The following MUC4 variants were observed in gnomAD, a reference collection of about 807,000 sequenced individuals.
MUC4 encodes mucin 4, cell surface associated.
MUC4 carries 202 observed loss-of-function variants against 257.9 expected under a neutral mutation model. The observed-to-expected ratio is 0.78, with a 90% CI of 0.70 to 0.88. The LOEUF (loss-of-function observed/expected upper bound fraction) is 0.88. MUC4 is among the 40% of genes least tolerant of loss of function. MUC4 has a pLI of 0.00. For missense variants in MUC4, 5,976 were observed against 6,513.7 expected, an observed-to-expected ratio of 0.92 and a Z score of 2.84; for synonymous variants, 2,351 against 2,757.1, an observed-to-expected ratio of 0.85 and a Z score of 4.62.
In MUC4 at chr3:195,794,088, A is replaced by AAAAAATAAT. The variant is rs1553888473; in HGVS notation, c.83-2592_83-2591insATTATTTTT. On this transcript the variant is annotated intron_variant, in intron 1 of 24. Transcript: ENST00000463781. ...CGAGACCCTGTGTCTTAAAAAATAA[A>AAAAAATAAT]AATAATAATAATAATAATAAAAATA... Among the ~76,000 whole-genome samples the AAAAAATAAT allele has an allele frequency of 2.4e-3, 187 of 77,042 alleles. 1 individual carries two copies. The highest frequency in any genetic ancestry group is 0.011 in the African/African-American group (181 of 16,628). 50.5% of individuals were successfully genotyped at this position (77,042 alleles called of 152,430 possible). A position where few individuals can be genotyped will look rare whatever the true frequency, so the allele number is the denominator to read the frequency against.
rs1722930802 is a variant in MUC4, at chr3:195,771,730, G to A, written c.13164C>T (p.Gly4388=). 1.9e-6 allele frequency: 3 copies of A among 1,613,730 alleles called. No homozygotes were observed. Among genetic ancestry groups the A allele is most frequent in the African/African-American group, 1.3e-5 (1 of 74,892 alleles). ...GAGCCACCAGGGCCACAGGGTCCCG[G>A]CCTGTGAAGCCTGTTGGGAGTGGGT... ...YPNPLPTGFT[G]RDPVALVAPF... is the part of the protein sequence containing the mutation. Residue 4388 remains glycine, a synonymous_variant, in exon 5 of 25, where the codon GGC becomes GGT. Transcript: ENST00000463781.
At chr3:195,803,354 C>T (rs1458708766) in intron 1 of MUC4, among the ~76,000 whole-genome samples, 1 of 152,352 alleles carries the variant, frequency 6.6e-6, no homozygotes, top group African/African-American at 2.4e-5. Flanking sequence ...AGAAATCTGG[C>T]TGCTTCCCCT....
Position 195,782,149 on chromosome 3 carries a change from G to C in MUC4, c.9431C>G (p.Ser3144Ter). The C allele has an allele frequency of 7.4e-7, 1 of 1,358,724 alleles. No individual in the cohort carries two copies. The highest frequency in any genetic ancestry group is 2.3e-5 in the Admixed American group (1 of 44,032). The allele number at this position is 1,358,724 out of a possible 1,614,324, so 84.2% of individuals were successfully genotyped here. ...AGGGGTGGTGTCACCTGTGGATGCT[G>C]AGGAAGTGCTGGTGACAGGAAGAGC... is the stretch of plus-strand genomic sequence containing the variant. ...ATALPVTSTSSASTGDTTPLP... is the reference protein window; with the variant it reads ...ATALPVTSTS Residue 3144 changes from serine (S) to a stop codon, truncating the protein, a stop_gained, in exon 2 of 25, where the codon TCA (serine) becomes TGA (stop). Transcript: ENST00000463781. LOFTEE classifies it high-confidence loss of function.
intron 5 of MUC4, 55 bp downstream of exon 5, chr3:195,771,597 T>C: frequency 6.3e-7 from 1 of 1,584,154 alleles, no homozygotes; most frequent in South Asian, 1.1e-5. Context: ...CACAGCTCTT[T>C]GTCTCCCCTG....
In MUC4 at chr3:195,786,454, T is replaced by A. The variant is rs1449646538; in HGVS notation, c.5126A>T (p.Gln1709Leu). The A allele has an allele frequency of 5.2e-6, 8 of 1,527,920 alleles. No individual in the cohort carries two copies. The highest frequency in any genetic ancestry group is 6.2e-6 in the Non-Finnish European group (7 of 1,133,976). 94.6% of individuals were successfully genotyped at this position (1,527,920 alleles called of 1,614,324 possible). The part of the protein sequence containing the change: ...VTDVSSASTG[Q>L]ATPLPVTSLS... ...GCTGGTGACAGGAAGAGGGGTGGCC[T>A]GACCTGTGGATGCCGAGGAAACGTC... Residue 1709 changes from glutamine (Q) to leucine (L), a missense_variant, in exon 2 of 25, where the codon CAG (glutamine) becomes CTG (leucine). Gln to Leu is a moderately radical substitution (Grantham distance 113). Around this residue, in one of 44 missense-constraint regions of MUC4, gnomAD observed 138 missense variants for 107.8 expected, o/e 1.28. Transcript: ENST00000463781.
chr3:195,806,067 G>A (rs1239291299), intron 1 of MUC4, among the ~76,000 whole-genome samples: 1 of 152,210 alleles, frequency 6.6e-6, no homozygotes, highest in Non-Finnish European at 1.5e-5. Flanking sequence ...AGTGAGCCGA[G>A]ATAACGCCAC....
chr3:195,757,182 T>C lies in MUC4; in HGVS notation c.15133A>G (p.Asn5045Asp). ...HCNAESQCLY[N>D]QTSRVGNSSL... The stretch of plus-strand genomic sequence containing the variant: ...GAGTTGCCCACCCTGCTGGTCTGAT[T>C]GTACAAACACTGGCTCTCTGCATTG... Residue 5045 changes from asparagine to aspartate, a missense_variant, in exon 18 of 25, where the codon AAT becomes GAT. Physicochemically the swap from Asn to Asp is conservative, Grantham distance 23 (BLOSUM62 1). Coordinates refer to ENST00000463781, the MANE Select transcript of MUC4 (RefSeq NM_018406.7). The surrounding 1 kb of genome is among the most constrained non-coding windows in gnomAD (Gnocchi z 4.8). 6 of 1,607,482 alleles carry C rather than the reference T, an allele frequency of 3.7e-6. No individual in the cohort carries two copies. The highest frequency in any genetic ancestry group is 5.1e-6 in the Non-Finnish European group (6 of 1,174,768).
intron 7 of MUC4, among the ~76,000 whole-genome samples, chr3:195,768,241 G>C (rs772141177): frequency 2.0e-5 from 3 of 152,076 alleles, no homozygotes; most frequent in Non-Finnish European, 2.9e-5. Flanking sequence ...TAATCAAAGG[G>C]GTAACCTGAA....
At chr3:195,752,168 T>G (rs1716572284) in intron 21 of MUC4, 3 of 578,840 alleles carry the variant, frequency 5.2e-6, no homozygotes, top group Admixed American at 5.9e-5. Flanking sequence ...CACCCTGGCC[T>G]CTGCTTATGA....
At chr3:195,798,875 C>A (rs56350323) in intron 1 of MUC4, among the ~76,000 whole-genome samples, 10,540 of 152,042 alleles carry the variant, frequency 0.069, 461 homozygotes, top group Middle Eastern at 0.19. Flanking sequence ...GATGGCAGTT[C>A]CTTGCTTCCC....
Position 195,771,715 on chromosome 3 carries a change from G to A in MUC4, c.13179C>T (p.Ala4393=). Residue 4393 remains alanine, a synonymous_variant, in exon 5 of 25, where the codon GCC becomes GCT. Transcript: ENST00000463781. ...CATCGTCCCAGAACGGAGCCACCAGGGCCACAGGGTCCCGGCCTGTGAAGC... is the reference window on the plus strand; with the variant it reads ...CATCGTCCCAGAACGGAGCCACCAGAGCCACAGGGTCCCGGCCTGTGAAGC... ...PTGFTGRDPV[A]LVAPFWDDAD... The A allele has an allele frequency of 6.2e-7, 1 of 1,613,936 alleles. No individual in the cohort carries two copies. Among genetic ancestry groups the A allele is most frequent in the African/African-American group, 1.3e-5 (1 of 75,036 alleles).
At chr3:195,796,121 G>C (rs2149054757) in intron 1 of MUC4, among the ~76,000 whole-genome samples, 2 of 152,046 alleles carry the variant, frequency 1.3e-5, no homozygotes, top group African/African-American at 4.8e-5. Flanking sequence ...GTCTTGCTTT[G>C]TTGCCCAGGC....
rs1577923142 is a variant in MUC4 at position 195,750,745 on chromosome 3, A to G, written c.15871+144T>C. ...GCTGCTCCTGCTCTCGAATCTAAAA[A>G]GCAGCTGGACAAAATGTTCACGTTT... On this transcript the variant is annotated intron_variant, in intron 23 of 24. Coordinates refer to ENST00000463781, the MANE Select transcript of MUC4 (RefSeq NM_018406.7). 3.8e-6 allele frequency: 3 copies of G among 780,692 alleles called. No individual in the cohort carries two copies. In the East Asian group the frequency reaches 8.1e-5, roughly 21 times the overall value. The allele number at this position is 780,692 out of a possible 1,614,324, so 48.4% of individuals were successfully genotyped here.
chr3:195,748,328 C>G (rs1322978707), intron 24 of MUC4, among the ~76,000 whole-genome samples: 1 of 152,284 alleles, frequency 6.6e-6, no homozygotes, highest in Non-Finnish European at 1.5e-5. Context: ...CTTTGGGAGG[C>G]CAAGGTGGAC....
chr3:195,779,644 G>T lies in MUC4; in HGVS notation c.11936C>A (p.Thr3979Lys). The T allele has an allele frequency of 1.1e-6, 1 of 901,504 alleles. No homozygotes were observed. Among genetic ancestry groups the T allele is most frequent in the Non-Finnish European group, 1.5e-6 (1 of 645,486 alleles). 55.8% of individuals were successfully genotyped at this position (901,504 alleles called of 1,614,324 possible). A position where few individuals can be genotyped will look rare whatever the true frequency, so the allele number is the denominator to read the frequency against. The change falls in exon 2 of 25, where the codon ACA (threonine) becomes AAA (lysine). Residue 3979 changes from threonine to lysine, a missense_variant. Thr to Lys is a moderately conservative substitution (Grantham distance 78). Around this residue, in one of 44 missense-constraint regions of MUC4, gnomAD observed 293 missense variants for 294.5 expected, o/e 1.00. Transcript: ENST00000463781. The stretch of plus-strand genomic sequence containing the variant: ...GACAGGAAGGGGGGTGGCGTGACCT[G>T]TGGATGCTGAGGAACGGCTGGTGAC... ...LPVTSRSSASTGHATPLPVTD... is the reference protein window; with the variant it reads ...LPVTSRSSASKGHATPLPVTD...
Position 195,778,325 on chromosome 3 carries a change from G to C in MUC4, c.12921C>G (p.Pro4307=). The change falls in exon 3 of 25, where the codon CCC becomes CCG. Residue 4307 remains proline (P), a synonymous_variant. Coordinates refer to ENST00000463781, the MANE Select transcript of MUC4 (RefSeq NM_018406.7). ...CACCTCTCTCAGGCAGGATGGGGAT[G>C]GGGGCAGCTGTGGAGCGGGTGTGCA... The part of the protein sequence containing the change: ...TAMHTRSTAA[P]IPILPERGVS... The C allele has an allele frequency of 6.2e-7, 1 of 1,611,672 alleles. No homozygotes were observed. Among genetic ancestry groups the C allele is most frequent in the Non-Finnish European group, 8.5e-7 (1 of 1,179,450 alleles).
rs750573824 is a variant in MUC4 at position 195,788,925 on chromosome 3, C to T, written c.2655G>A (p.Pro885=). 22 of 1,613,418 alleles carry T rather than the reference C, an allele frequency of 1.4e-5. No homozygotes were observed. Among genetic ancestry groups the T allele is most frequent in the South Asian group, 8.8e-5 (8 of 91,038 alleles). Residue 885 remains proline, a synonymous_variant, in exon 2 of 25, where the codon CCG becomes CCA. Transcript: ENST00000463781. The part of the protein sequence containing the change: ...TLSEASTAGR[P]TGQSSPTSPS... ...GAGAAGTTGGGCTTGACTGTCCTGT[C>T]GGTCTCCCTGCAGTGGAGGCCTCAG... is the stretch of plus-strand genomic sequence containing the variant.
At chr3:195,763,943 G>T in intron 11 of MUC4, 102 bp downstream of exon 11, 1 of 1,442,578 alleles carries the variant, frequency 6.9e-7, no homozygotes, top group Non-Finnish European at 9.2e-7. Context: ...TTCCCTTGTG[G>T]CCACAGCTCT....
Position 195,789,013 on chromosome 3 carries a change from G to A in MUC4, c.2567C>T (p.Ala856Val). 1 of 1,613,858 alleles carries A rather than the reference G, an allele frequency of 6.2e-7. No homozygotes were observed. The highest frequency in any genetic ancestry group is 8.5e-7 in the Non-Finnish European group (1 of 1,179,858). ...ELLSASASHG[A>V]IPVSTGMASS... ...CGCCATTCCTGTGCTTACTGGGATG[G>A]CACCATGACTGGCTGAGGCGGACAG... is the stretch of plus-strand genomic sequence containing the variant. Residue 856 changes from alanine to valine, a missense_variant, in exon 2 of 25, where the codon GCC becomes GTC. Transcript: ENST00000463781.
Sources: gnomAD v4.1 joint callset for allele counts (sites outside exome capture counted in the v4.1 genomes callset) on GRCh38, gnomAD v4.1.1 for gene constraint, gnomAD v4.1.1 regional missense constraint, Gnocchi (gnomAD v3.1) non-coding constraint, MANE v1.5 for transcripts, NCBI Gene and HGNC (gene_info 2026-07-23, HGNC 2026-07-21) for gene names.